NEGR1: variants seen among roughly 807,000 people sequenced by gnomAD.
NEGR1 encodes the protein neuronal growth regulator 1.
A neutral mutation model predicts 40.9 loss-of-function variants in NEGR1; 10 were observed. That is an observed-to-expected ratio of 0.24 (90% confidence interval 0.15 to 0.42). NEGR1 has a LOEUF of 0.42. Among genes scored for constraint, NEGR1 ranks in the 10% least tolerant of loss-of-function variants. NEGR1 has a pLI of 1.00. For synonymous variants in NEGR1, 185 were observed against 166.8 expected, an observed-to-expected ratio of 1.11 and a Z score of -0.84; for missense variants, 352 against 438.9, an observed-to-expected ratio of 0.80 and a Z score of 1.77.
At chr1:72,054,022 G>A (rs1002609079) in intron 1 of NEGR1, among the ~76,000 whole-genome samples, 5 of 151,162 alleles carry the variant, frequency 3.3e-5, no homozygotes, top group African/African-American at 1.2e-4. Context: ...AAGGTGAGAC[G>A]ATAGGATCTA....
intron 1 of NEGR1, among the ~76,000 whole-genome samples, chr1:72,143,905 GATATATATAATATATAT>G (rs1650788737): frequency 1.4e-5 from 1 of 72,922 alleles, no homozygotes. Context: ...TTATATATAT[GATATATATAATATATAT>G]ATATATATAT....
chr1:71,656,292 TCTC>T (rs1651872012), intron 4 of NEGR1, among the ~76,000 whole-genome samples: 1 of 152,204 alleles, frequency 6.6e-6, no homozygotes. Flanking sequence ...TGGCCCCTAT[TCTC>T]CTTCTAACAG....
chr1:71,827,289 C>A (rs1658663414), intron 2 of NEGR1, among the ~76,000 whole-genome samples: 2 of 151,692 alleles, frequency 1.3e-5, no homozygotes, highest in Non-Finnish European at 2.9e-5. Context: ...TAGAAACAAT[C>A]TCATTTACCA....
At chr1:71,701,664 A>T (rs1315976958) in intron 3 of NEGR1, among the ~76,000 whole-genome samples, 1 of 152,014 alleles carries the variant, frequency 6.6e-6, no homozygotes, top group Non-Finnish European at 1.5e-5. Flanking sequence ...TAGGGCATGG[A>T]CATCTTTGGA....
At chr1:71,879,057 C>T (rs1660510686) in intron 2 of NEGR1, among the ~76,000 whole-genome samples, 1 of 151,244 alleles carries the variant, frequency 6.6e-6, no homozygotes, top group Non-Finnish European at 1.5e-5. Flanking sequence ...CACTTGAACC[C>T]GGGAGGCAGA....
At chr1:71,719,755 T>C (rs1030891765) in intron 3 of NEGR1, among the ~76,000 whole-genome samples, 2 of 152,136 alleles carry the variant, frequency 1.3e-5, no homozygotes, top group East Asian at 1.9e-4. Context: ...TAGGTATTTC[T>C]CCTAATGCTA....
intron 1 of NEGR1, among the ~76,000 whole-genome samples, chr1:72,265,603 C>T (rs1655611772): frequency 6.6e-6 from 1 of 150,662 alleles, no homozygotes; most frequent in South Asian, 2.1e-4. Flanking sequence ...CCTGTAGGCA[C>T]CAGAAACTAA....
In NEGR1 at chr1:71,401,385, G is replaced by A. The variant is rs1646245716; in HGVS notation, c.*6061C>T. ...TTTATCTGGTTGTAATGTCTTATCA[G>A]GTCCTTCATTAATGAATTAATTTAT... On this transcript the variant is annotated 3_prime_UTR_variant, in exon 7 of 7. Coordinates refer to ENST00000357731, the MANE Select transcript of NEGR1 (RefSeq NM_173808.3). 2 of 151,988 alleles carry A rather than the reference G, an allele frequency of 1.3e-5. No individual in the cohort carries two copies. Among genetic ancestry groups the A allele is most frequent in the Non-Finnish European group, 2.9e-5 (2 of 67,990 alleles). 9.4% of individuals were successfully genotyped at this position (151,988 alleles called of 1,614,324 possible).
At chr1:72,282,258 G>A (rs920692322) in intron 1 of NEGR1, 61 bp downstream of exon 1, 1 of 1,587,164 alleles carries the variant, frequency 6.3e-7, no homozygotes, top group Non-Finnish European at 8.6e-7. Context: ...GGCAAAGAGG[G>A]TTCAAAGAGA....
intron 1 of NEGR1, among the ~76,000 whole-genome samples, chr1:72,041,148 T>C (rs2100456805): frequency 6.6e-6 from 1 of 152,156 alleles, no homozygotes; most frequent in East Asian, 1.9e-4. Context: ...ATGCTATATG[T>C]ATGCCAATTT....
intron 4 of NEGR1, among the ~76,000 whole-genome samples, chr1:71,659,214 A>G (rs1651975118): frequency 6.6e-6 from 1 of 152,156 alleles, no homozygotes; most frequent in South Asian, 2.1e-4. Flanking sequence ...TGAGCAATGC[A>G]ACCATAAAGA....
At chr1:72,069,322 T>C (rs1647364747) in intron 1 of NEGR1, among the ~76,000 whole-genome samples, 1 of 151,978 alleles carries the variant, frequency 6.6e-6, no homozygotes, top group African/African-American at 2.4e-5. Flanking sequence ...CACACTCCTG[T>C]GGTCCCAGCT....
At chr1:72,000,832 G>A (rs1646550700) in intron 1 of NEGR1, among the ~76,000 whole-genome samples, 1 of 152,088 alleles carries the variant, frequency 6.6e-6, no homozygotes, top group African/African-American at 2.4e-5. Flanking sequence ...AAATGAAAGA[G>A]GAAAGAAAAA....
At chr1:71,970,721 C>G (rs1646249373) in intron 1 of NEGR1, among the ~76,000 whole-genome samples, 1 of 152,014 alleles carries the variant, frequency 6.6e-6, no homozygotes, top group Admixed American at 6.6e-5. Flanking sequence ...TTAAATAATA[C>G]TGCTCTATGT....
At chr1:72,211,402 T>G (rs911442134) in intron 1 of NEGR1, among the ~76,000 whole-genome samples, 2 of 151,388 alleles carry the variant, frequency 1.3e-5, no homozygotes, top group Non-Finnish European at 3.0e-5. Flanking sequence ...TTTTGGAAAA[T>G]GTTTTTAATA....
At chr1:72,222,299 G>C (rs1158884065) in intron 1 of NEGR1, among the ~76,000 whole-genome samples, 1 of 152,148 alleles carries the variant, frequency 6.6e-6, no homozygotes, top group African/African-American at 2.4e-5. Flanking sequence ...AGGCCAGCTT[G>C]CATGAGGACT....
At chr1:71,415,852 A>G (rs1162285276) in intron 6 of NEGR1, among the ~76,000 whole-genome samples, 1 of 152,174 alleles carries the variant, frequency 6.6e-6, no homozygotes, top group Non-Finnish European at 1.5e-5. Context: ...AACTCCTACC[A>G]GGCTGGTTTG....
Position 71,402,545 on chromosome 1 carries a change from G to A in NEGR1, c.*4901C>T, listed in dbSNP as rs1646253361. The A allele has an allele frequency of 6.6e-6, 1 of 152,118 alleles. No individual in the cohort carries two copies. The highest frequency in any genetic ancestry group is 1.5e-5 in the Non-Finnish European group (1 of 68,004). The allele number at this position is 152,118 out of a possible 1,614,324, so 9.4% of individuals were successfully genotyped here. ...TTGCTAAATTGCTCTCTTTCCACCA[G>A]TGATATCAATTCTGAAATACTTTTG... On this transcript the variant is annotated 3_prime_UTR_variant, in exon 7 of 7. Coordinates refer to ENST00000357731, the MANE Select transcript of NEGR1 (RefSeq NM_173808.3).
chr1:71,616,319 T>G (rs1316197370), intron 4 of NEGR1, among the ~76,000 whole-genome samples: 1 of 152,172 alleles, frequency 6.6e-6, no homozygotes, highest in Non-Finnish European at 1.5e-5. Flanking sequence ...AACAGCAGCA[T>G]TAGATTTTCG....
Sources: gnomAD v4.1 joint callset for allele counts (sites outside exome capture counted in the v4.1 genomes callset) on GRCh38, gnomAD v4.1.1 for gene constraint, MANE v1.5 for transcripts, NCBI Gene and HGNC (gene_info 2026-07-23, HGNC 2026-07-21) for gene names.